Variants in PARD3B observed in about 807,000 individuals in gnomAD.
PARD3B encodes the protein partitioning defective 3 homolog B.
PARD3B carries 103 observed loss-of-function variants against 130.2 expected under a neutral mutation model. The observed-to-expected ratio is 0.79, with a 90% confidence interval of 0.67 to 0.93. The LOEUF is 0.93. Among genes scored for constraint, PARD3B ranks in the 40% least tolerant of loss-of-function variants. The pLI, the probability that PARD3B is intolerant of heterozygous loss-of-function variation, is 0.00. For synonymous variants in PARD3B, 583 were observed against 553.2 expected (o/e 1.05, Z -0.76); for missense variants, 1,609 against 1,499.2 (o/e 1.07, Z -1.21).
chr2:205,104,936 G>A (rs777712604), intron 5 of PARD3B, among the ~76,000 whole-genome samples: 32 of 152,106 alleles, frequency 2.1e-4, no homozygotes, highest in Non-Finnish European at 4.4e-4. Context: ...TAACACCCTT[G>A]TAATAGTTTA....
chr2:205,549,662 G>A (rs111345151), intron 21 of PARD3B, among the ~76,000 whole-genome samples: 81 of 152,170 alleles, frequency 5.3e-4, no homozygotes, highest in Non-Finnish European at 1.0e-3. Context: ...CACTTAAGAT[G>A]TTTAGGGCCA....
chr2:204,674,131 G>A (rs1470246351), intron 1 of PARD3B, among the ~76,000 whole-genome samples: 1 of 152,200 alleles, frequency 6.6e-6, no homozygotes, highest in African/African-American at 2.4e-5. Context: ...AAGTGAGTAA[G>A]ATAAATGAGG....
intron 16 of PARD3B, among the ~76,000 whole-genome samples, chr2:205,254,838 G>A (rs868112659): frequency 1.3e-5 from 2 of 151,286 alleles, no homozygotes; most frequent in East Asian, 3.9e-4. Context: ...CTAATTTTTT[G>A]TATTTTTAGT....
chr2:205,103,994 G>A (rs540360981), intron 4 of PARD3B, among the ~76,000 whole-genome samples: 49 of 152,258 alleles, frequency 3.2e-4, no homozygotes, highest in Admixed American at 1.8e-3. Context: ...ACTTTGCCAG[G>A]CAATGTTTTT....
intron 3 of PARD3B, among the ~76,000 whole-genome samples, chr2:204,985,530 G>T (rs149222902): frequency 5.3e-5 from 8 of 152,278 alleles, no homozygotes; most frequent in Non-Finnish European, 5.9e-5. Flanking sequence ...TTATGTTCTT[G>T]CCATGCACCA....
chr2:205,064,057 G>C (rs893616493), intron 4 of PARD3B, among the ~76,000 whole-genome samples: 2 of 152,172 alleles, frequency 1.3e-5, no homozygotes, highest in African/African-American at 4.8e-5. Context: ...CAACGCATTG[G>C]GAACAGCCCT....
chr2:204,864,860 A>G (rs554493241), intron 2 of PARD3B, among the ~76,000 whole-genome samples: 10 of 152,026 alleles, frequency 6.6e-5, no homozygotes, highest in African/African-American at 1.9e-4. Flanking sequence ...TACCAATAAC[A>G]CTCTTCTGAT....
intron 2 of PARD3B, among the ~76,000 whole-genome samples, chr2:204,952,237 A>G (rs1689837659): frequency 1.3e-5 from 2 of 152,150 alleles, no homozygotes. Context: ...TTAAAATTTT[A>G]TTTGTGCATA....
intron 2 of PARD3B, among the ~76,000 whole-genome samples, chr2:204,916,754 TTA>T (rs1295341479): frequency 6.6e-6 from 1 of 152,230 alleles, no homozygotes; most frequent in Non-Finnish European, 1.5e-5. Context: ...ATACTCTTAA[TTA>T]TCTGTAAATT....
intron 19 of PARD3B, among the ~76,000 whole-genome samples, chr2:205,420,431 A>G (rs912392194): frequency 6.6e-6 from 1 of 152,210 alleles, no homozygotes; most frequent in Non-Finnish European, 1.5e-5. Flanking sequence ...TCCGTGGTAC[A>G]AAATTAGAAA....
chr2:205,325,188 C>T lies in PARD3B; in HGVS notation c.2630+23487C>T, dbSNP rs1472339900. On this transcript the variant is annotated intron_variant, in intron 18 of 22. Transcript: ENST00000406610. This position sits in a 1 kb window ranked among gnomAD's most constrained non-coding sequence, Gnocchi z 4.1. ...TCACAAACATATATTTGATCTTCTA[C>T]CAAAATTTTTGCTGTGGTTTCACAG... 1.3e-5 allele frequency among the ~76,000 whole-genome samples: 2 copies of T among 152,118 alleles called. No individual in the cohort carries two copies. The highest frequency in any genetic ancestry group is 3.9e-4 in the East Asian group (2 of 5,190).
intron 2 of PARD3B, among the ~76,000 whole-genome samples, chr2:204,820,573 G>T (rs182890934): frequency 3.3e-5 from 5 of 151,894 alleles, no homozygotes; most frequent in Non-Finnish European, 5.9e-5. Context: ...CCAGCACTTT[G>T]GGGGGCTGAG....
At chr2:204,738,363 C>G (rs1275481735) in intron 2 of PARD3B, among the ~76,000 whole-genome samples, 2 of 151,994 alleles carry the variant, frequency 1.3e-5, no homozygotes. Flanking sequence ...TGATTTGATT[C>G]TCAGCTAGGT....
chr2:204,580,360 T>C (rs1290868420), intron 1 of PARD3B, among the ~76,000 whole-genome samples: 3 of 152,176 alleles, frequency 2.0e-5, no homozygotes, highest in African/African-American at 7.2e-5. Context: ...CAGGCCTTCT[T>C]TCTGGGAGCT....
Position 204,550,984 on chromosome 2 carries a change from C to T in PARD3B, c.120+4865C>T, listed in dbSNP as rs112605852. On this transcript the variant is annotated intron_variant, in intron 1 of 22. Coordinates refer to ENST00000406610, the MANE Select transcript of PARD3B (RefSeq NM_001302769.2). Reference sequence around the variant, plus strand: ...CTCAAATGCTTTTCAATTGATTGGGCACTGACTTACTTGAGTGCTTTATTT... The same window carrying T: ...CTCAAATGCTTTTCAATTGATTGGGTACTGACTTACTTGAGTGCTTTATTT... 9.9e-3 allele frequency among the ~76,000 whole-genome samples: 1,506 copies of T among 152,286 alleles called. 19 individuals are homozygous for T. The highest frequency in any genetic ancestry group is 0.035 in the African/African-American group (1,457 of 41,552).
Position 205,458,894 on chromosome 2 carries a change from A to T in PARD3B, c.3044+18222A>T, listed in dbSNP as rs866246102. Reference sequence around the variant, plus strand: ...ACACATTGCCTTAATGCAGTCTTTGATTGAGATCACTAGAAGCTGGATTTT... The same window carrying T: ...ACACATTGCCTTAATGCAGTCTTTGTTTGAGATCACTAGAAGCTGGATTTT... On this transcript the variant is annotated intron_variant, in intron 20 of 22. Coordinates refer to ENST00000406610, the MANE Select transcript of PARD3B (RefSeq NM_001302769.2). The surrounding 1 kb of genome is among the most constrained non-coding windows in gnomAD (Gnocchi z 4.8). Among the ~76,000 whole-genome samples the T allele has an allele frequency of 6.6e-6, 1 of 152,260 alleles. No homozygotes were observed. Among genetic ancestry groups the T allele is most frequent in the African/African-American group, 2.4e-5 (1 of 41,560 alleles).
In PARD3B at chr2:205,300,678, T is replaced by A; in HGVS notation, c.2334T>A (p.Asn778Lys). The A allele has an allele frequency of 6.2e-7, 1 of 1,614,000 alleles. No individual in the cohort carries two copies. Among genetic ancestry groups the A allele is most frequent in the South Asian group, 1.1e-5 (1 of 91,068 alleles). Residue 778 changes from asparagine to lysine, a missense_variant, in exon 17 of 23, where the codon AAT (asparagine) becomes AAA (lysine). Coordinates refer to ENST00000406610, the MANE Select transcript of PARD3B (RefSeq NM_001302769.2). This position sits in a 1 kb window ranked among gnomAD's most constrained non-coding sequence, Gnocchi z 4.1. ...ACATGGTTCGAGGCCGAGGCTGCAATGAGAGCTTTAGAGCAGCCATTGACA... is the reference window on the plus strand; with the variant it reads ...ACATGGTTCGAGGCCGAGGCTGCAAAGAGAGCTTTAGAGCAGCCATTGACA... ...RPHMVRGRGC[N>K]ESFRAAIDKS...
rs1172627822 is a variant in PARD3B, at chr2:205,563,285, C to T, written c.3260+9882C>T. Reference sequence around the variant, plus strand: ...AAGGGAGAGGTTGTAAAACCTATTGCGTGCCTTCTATGTCTGTACGTTTTG... The same window carrying T: ...AAGGGAGAGGTTGTAAAACCTATTGTGTGCCTTCTATGTCTGTACGTTTTG... On this transcript the variant is annotated intron_variant, in intron 22 of 22. Transcript: ENST00000406610. The surrounding 1 kb of genome is among the most constrained non-coding windows in gnomAD (Gnocchi z 4.2). 6.6e-6 allele frequency among the ~76,000 whole-genome samples: 1 copy of T among 152,122 alleles called. No individual in the cohort carries two copies. Among genetic ancestry groups the T allele is most frequent in the East Asian group, 1.9e-4 (1 of 5,200 alleles).
In PARD3B at chr2:204,690,187, G is replaced by A. The variant is rs138649659; in HGVS notation, c.222+3905G>A. Among the ~76,000 whole-genome samples the A allele has an allele frequency of 3.7e-3, 568 of 152,108 alleles. 5 individuals are homozygous for A. The highest frequency in any genetic ancestry group is 0.012 in the African/African-American group (498 of 41,504). On this transcript the variant is annotated intron_variant, in intron 2 of 22. Transcript: ENST00000406610. ...AGATACAGTTTAATTTCAGTTGGACGCTTTAGACTGCACTTGAAGTCTAAC... is the reference window on the plus strand; with the variant it reads ...AGATACAGTTTAATTTCAGTTGGACACTTTAGACTGCACTTGAAGTCTAAC...
Sources: allele counts gnomAD v4.1 joint callset (sites outside exome capture counted in the v4.1 genomes callset), GRCh38; gene constraint gnomAD v4.1.1; non-coding constraint Gnocchi (gnomAD v3.1); transcripts MANE v1.5; gene names NCBI Gene and HGNC (gene_info 2026-07-23, HGNC 2026-07-21).